The following MAGI2 variants were observed in gnomAD, a reference collection of about 807,000 sequenced individuals.
The protein encoded by MAGI2 is membrane-associated guanylate kinase, WW and PDZ domain-containing protein 2.
A neutral mutation model predicts 133.3 loss-of-function variants in MAGI2; 35 were observed. The observed-to-expected ratio is 0.26, with a 90% CI of 0.20 to 0.35. The LOEUF is 0.35. Among genes scored for constraint, MAGI2 ranks in the 10% least tolerant of loss-of-function variants. The pLI is 1.00. For missense variants in MAGI2, 1,636 were observed against 1,863.4 expected, an observed-to-expected ratio of 0.88 and a Z score of 2.25; for synonymous variants, 729 against 710.6, an observed-to-expected ratio of 1.03 and a Z score of -0.41.
At chr7:78,235,340 A>G (rs151028348) in intron 10 of MAGI2, among the ~76,000 whole-genome samples, 4 of 152,260 alleles carry the variant, frequency 2.6e-5, no homozygotes, top group Non-Finnish European at 4.4e-5. Flanking sequence ...GGGGGCAGGA[A>G]ATAGGTTTAT....
chr7:78,521,971 C>T (rs1232373175), intron 3 of MAGI2, among the ~76,000 whole-genome samples: 1 of 152,120 alleles, frequency 6.6e-6, no homozygotes, highest in African/African-American at 2.4e-5. Context: ...TTTTTTATAA[C>T]AAGACTTGAT....
intron 2 of MAGI2, among the ~76,000 whole-genome samples, chr7:78,780,393 A>C (rs1349013281): frequency 1.3e-5 from 2 of 152,206 alleles, no homozygotes. Flanking sequence ...ACTTTCTGTA[A>C]ATATATTAAA....
intron 1 of MAGI2, among the ~76,000 whole-genome samples, chr7:79,084,370 A>AT (rs1816303263): frequency 1.3e-5 from 2 of 151,582 alleles, no homozygotes; most frequent in African/African-American, 4.8e-5. Flanking sequence ...TTTTTGAAGG[A>AT]TTTTATAATT....
rs183479186 is a variant in MAGI2 at position 78,270,697 on chromosome 7, G to T, written c.1409-14116C>A. Reference sequence around the variant, plus strand: ...TGGGGTTTTCTAAATAATGGGAGACGTTAACACCCCACTGTCAACATTAGA... The same window carrying T: ...TGGGGTTTTCTAAATAATGGGAGACTTTAACACCCCACTGTCAACATTAGA... On this transcript the variant is annotated intron_variant, in intron 9 of 21. Coordinates refer to ENST00000354212, the MANE Select transcript of MAGI2 (RefSeq NM_012301.4). Among the ~76,000 whole-genome samples, 9 of 151,858 alleles carry T rather than the reference G, an allele frequency of 5.9e-5. No homozygotes were observed. The East Asian group carries it at 1.7e-3, about 29-fold the overall frequency.
At chr7:78,352,149 T>C (rs1268783750) in intron 7 of MAGI2, among the ~76,000 whole-genome samples, 1 of 152,216 alleles carries the variant, frequency 6.6e-6, no homozygotes, top group Non-Finnish European at 1.5e-5. Flanking sequence ...ATTCATCGCA[T>C]ATTTATTTCC....
intron 1 of MAGI2, among the ~76,000 whole-genome samples, chr7:79,341,670 G>T (rs150347976): frequency 1.4e-3 from 220 of 152,220 alleles, no homozygotes; most frequent in African/African-American, 5.0e-3. Flanking sequence ...GCCAATAGAG[G>T]CTAGTTCATG....
chr7:79,396,278 T>G (rs952965800), intron 1 of MAGI2, among the ~76,000 whole-genome samples: 5 of 152,138 alleles, frequency 3.3e-5, no homozygotes, highest in African/African-American at 1.2e-4. Context: ...CTATGTTCTC[T>G]TTTTCCTTTC....
At chr7:79,132,066 C>A (rs1820984797) in intron 1 of MAGI2, among the ~76,000 whole-genome samples, 1 of 152,068 alleles carries the variant, frequency 6.6e-6, no homozygotes, top group African/African-American at 2.4e-5. Flanking sequence ...AAACCCAATA[C>A]AATTCAAATT....
intron 9 of MAGI2, among the ~76,000 whole-genome samples, chr7:78,340,736 G>A (rs1003086992): frequency 6.6e-6 from 1 of 152,052 alleles, no homozygotes. Context: ...TGCAGAAAAG[G>A]CCTTCGAGAA....
intron 5 of MAGI2, among the ~76,000 whole-genome samples, chr7:78,491,298 C>G (rs973680489): frequency 6.6e-6 from 1 of 152,038 alleles, no homozygotes; most frequent in African/African-American, 2.4e-5. Context: ...TTAAATCACT[C>G]TTCAAATAGC....
intron 1 of MAGI2, among the ~76,000 whole-genome samples, chr7:79,057,748 A>T (rs1813285881): frequency 6.6e-6 from 1 of 152,094 alleles, no homozygotes; most frequent in Non-Finnish European, 1.5e-5. Context: ...ACCTGGCCTC[A>T]TGTGTAATTC....
intron 1 of MAGI2, among the ~76,000 whole-genome samples, chr7:79,442,157 T>C (rs1007534651): frequency 1.3e-5 from 2 of 152,212 alleles, no homozygotes; most frequent in Non-Finnish European, 2.9e-5. Flanking sequence ...CTTTTAAATC[T>C]GACTTCTTTT....
intron 4 of MAGI2, among the ~76,000 whole-genome samples, chr7:78,511,310 C>T (rs1391849311): frequency 6.6e-6 from 1 of 151,822 alleles, no homozygotes; most frequent in East Asian, 1.9e-4. Context: ...AGATTATACT[C>T]TGTAATGAAA....
chr7:78,359,275 A>G (rs1235879324), intron 7 of MAGI2: 1 of 152,114 alleles, frequency 6.6e-6, no homozygotes, highest in African/African-American at 2.4e-5. Flanking sequence ...TTCTCGTGCT[A>G]TACTCTGTGG....
intron 1 of MAGI2, among the ~76,000 whole-genome samples, chr7:79,053,761 CA>C (rs1812893320): frequency 6.6e-6 from 1 of 151,978 alleles, no homozygotes; most frequent in Admixed American, 6.6e-5. Flanking sequence ...CAGAATAAGA[CA>C]AAATTATATT....
chr7:79,273,205 T>G (rs1835000852), intron 1 of MAGI2, among the ~76,000 whole-genome samples: 1 of 150,142 alleles, frequency 6.7e-6, no homozygotes, highest in Non-Finnish European at 1.5e-5. Context: ...TTTTGTTGTT[T>G]TGTTCTTAAA....
chr7:78,601,169 A>T (rs1164147470), intron 3 of MAGI2, among the ~76,000 whole-genome samples: 1 of 152,140 alleles, frequency 6.6e-6, no homozygotes, highest in Non-Finnish European at 1.5e-5. Context: ...TGGTCCCTCC[A>T]TGCTTATTGG....
At chr7:78,547,194 C>G (rs974056980) in intron 3 of MAGI2, among the ~76,000 whole-genome samples, 4 of 152,152 alleles carry the variant, frequency 2.6e-5, no homozygotes, top group Admixed American at 1.3e-4. Flanking sequence ...CCAAACACTT[C>G]TAATACTAAA....
At chr7:78,710,636 T>A in intron 2 of MAGI2, among the ~76,000 whole-genome samples, 1 of 152,124 alleles carries the variant, frequency 6.6e-6, no homozygotes, top group East Asian at 1.9e-4. Flanking sequence ...AGGCATGAGT[T>A]GAGAGCTTAA....
Sources: allele counts gnomAD v4.1 joint callset (sites outside exome capture counted in the v4.1 genomes callset), GRCh38; gene constraint gnomAD v4.1.1; transcripts MANE v1.5; gene names NCBI Gene and HGNC (gene_info 2026-07-23, HGNC 2026-07-21).